The following EHMT1 variants were observed in gnomAD, a reference collection of about 807,000 sequenced individuals.
EHMT1 encodes histone-lysine N-methyltransferase EHMT1.
In EHMT1, 15 loss-of-function variants were observed where a neutral mutation model predicts 147.2. The ratio of observed to expected loss-of-function variants is 0.10; its 90% confidence interval spans 0.07 to 0.16. The LOEUF is 0.16. Among genes scored for constraint, EHMT1 ranks in the 10% least tolerant of loss-of-function variants. EHMT1 has a pLI of 1.00. For synonymous variants in EHMT1, 795 were observed against 709.6 expected, an observed-to-expected ratio of 1.12 and a Z score of -1.91; for missense variants, 1,587 against 1,772.4, an observed-to-expected ratio of 0.90 and a Z score of 1.88.
Position 137,716,902 on chromosome 9 carries a change from G to A in EHMT1, c.362G>A (p.Gly121Asp). 6.2e-7 allele frequency: 1 copy of A among 1,613,160 alleles called. No individual in the cohort carries two copies. Among genetic ancestry groups the A allele is most frequent in the Non-Finnish European group, 8.5e-7 (1 of 1,179,910 alleles). ...GACTTTGTGCAGACTTCTGTCATCG[G>A]CAGCAACGGATACATCTTAAATAAG... ...ADDFVQTSVI[G>D]SNGYILNKPA... The change falls in exon 3 of 27, where the codon GGC becomes GAC. Residue 121 changes from glycine to aspartate, a missense_variant. Gly to Asp is a moderately conservative substitution (Grantham distance 94). Transcript: ENST00000460843.
intron 25 of EHMT1, among the ~76,000 whole-genome samples, chr9:137,824,609 A>T (rs1482360752): frequency 6.6e-6 from 1 of 151,748 alleles, no homozygotes; most frequent in East Asian, 1.9e-4. Flanking sequence ...GAGCCTTCTG[A>T]CCCTGTGTCT....
At chr9:137,636,033 T>G (rs1274722592) in intron 1 of EHMT1, among the ~76,000 whole-genome samples, 1 of 151,532 alleles carries the variant, frequency 6.6e-6, no homozygotes, top group Non-Finnish European at 1.5e-5. Flanking sequence ...GCAGTTCTCC[T>G]GCCTCAGCCT....
intron 1 of EHMT1, among the ~76,000 whole-genome samples, chr9:137,621,405 A>G (rs1464523384): frequency 1.3e-5 from 2 of 152,148 alleles, no homozygotes; most frequent in African/African-American, 4.8e-5. Flanking sequence ...TTTTCCTACC[A>G]AAAAGAACTG....
At chr9:137,701,028 G>A (rs918346997) in intron 1 of EHMT1, among the ~76,000 whole-genome samples, 6 of 152,158 alleles carry the variant, frequency 3.9e-5, no homozygotes, top group African/African-American at 1.4e-4. Flanking sequence ...CACATGGCTG[G>A]CAGGAGAGAG....
In EHMT1 at chr9:137,834,534, G is replaced by T. The variant is rs747067449; in HGVS notation, c.3716+10G>T. 1 of 1,608,796 alleles carries T rather than the reference G, an allele frequency of 6.2e-7. No individual in the cohort carries two copies. On this transcript the variant is annotated intron_variant, in intron 26 of 26. Transcript: ENST00000460843. Reference sequence around the variant, plus strand: ...CCGGCGAGCAGCTCGGGTACGCACCGCCCCGGCCCCTGGCCATCTCCGCTG... The same window carrying T: ...CCGGCGAGCAGCTCGGGTACGCACCTCCCCGGCCCCTGGCCATCTCCGCTG...
intron 1 of EHMT1, among the ~76,000 whole-genome samples, chr9:137,627,621 G>GTGATTTGCCCACCTCAGCCTCCCAAAAT (rs1234356402): frequency 6.6e-6 from 1 of 152,072 alleles, no homozygotes. Flanking sequence ...CGCCGCGCCC[G>GTGATTTGCCCACCTCAGCCTCCCAAAAT]GCCCTTTTGC....
intron 4 of EHMT1, among the ~76,000 whole-genome samples, chr9:137,740,078 A>T (rs1323943105): frequency 4.0e-5 from 6 of 151,458 alleles, no homozygotes; most frequent in South Asian, 4.2e-4. Context: ...CCTCCCATCC[A>T]CCTTGTCTGC....
At chr9:137,682,273 C>T (rs1942028210) in intron 1 of EHMT1, among the ~76,000 whole-genome samples, 1 of 152,046 alleles carries the variant, frequency 6.6e-6, no homozygotes, top group South Asian at 2.1e-4. Context: ...AAAGCAGCCA[C>T]TGGGTTTGGA....
At chr9:137,766,550 G>C (rs979983006) in intron 10 of EHMT1, among the ~76,000 whole-genome samples, 2 of 152,184 alleles carry the variant, frequency 1.3e-5, no homozygotes, top group Non-Finnish European at 2.9e-5. Flanking sequence ...GGGAGGCGAC[G>C]GTTGCAGTGA....
At chr9:137,744,905 G>A (rs59352070) in intron 6 of EHMT1, among the ~76,000 whole-genome samples, 7,659 of 152,302 alleles carry the variant, frequency 0.05, 619 homozygotes, top group African/African-American at 0.17. Context: ...GGAAACTGAG[G>A]AAGTTCTTAG....
intron 4 of EHMT1, among the ~76,000 whole-genome samples, chr9:137,737,511 A>G (rs759904017): frequency 6.6e-6 from 1 of 152,220 alleles, no homozygotes; most frequent in Non-Finnish European, 1.5e-5. Flanking sequence ...AGTTAGCCTA[A>G]GACAGGTCCA....
chr9:137,833,934 T>TC (rs1388425338), intron 25 of EHMT1: 1 of 249,578 alleles, frequency 4.0e-6, no homozygotes, highest in Non-Finnish European at 7.8e-6. Context: ...GCTCCATCCC[T>TC]CCCGACCCCC....
chr9:137,627,494 A>C (rs968063200), intron 1 of EHMT1, among the ~76,000 whole-genome samples: 9 of 149,272 alleles, frequency 6.0e-5, no homozygotes, highest in Admixed American at 5.9e-4. Context: ...CAAACCCCTG[A>C]TCTCAGGTGA....
Position 137,643,080 on chromosome 9 carries a change from A to G in EHMT1, c.21+24031A>G, listed in dbSNP as rs940700894. Among the ~76,000 whole-genome samples the G allele has an allele frequency of 2.0e-5, 3 of 151,650 alleles. No individual in the cohort carries two copies. The East Asian group carries it at 5.8e-4, about 30-fold the overall frequency. ...TTTTTTTTTGTAGAGATGGGGTCTC[A>G]CTGTGTTGCCCAGGCTGGTCTCCAA... is the stretch of plus-strand genomic sequence containing the variant. On this transcript the variant is annotated intron_variant, in intron 1 of 26. Coordinates refer to ENST00000460843, the MANE Select transcript of EHMT1 (RefSeq NM_024757.5).
chr9:137,752,944 G>T (rs2136199337), intron 7 of EHMT1, among the ~76,000 whole-genome samples: 1 of 152,312 alleles, frequency 6.6e-6, no homozygotes, highest in African/African-American at 2.4e-5. Context: ...CTGGAGGGAA[G>T]AGGGGTTCTG....
chr9:137,638,021 T>C (rs1417817520), intron 1 of EHMT1: 1 of 152,166 alleles, frequency 6.6e-6, no homozygotes, highest in Non-Finnish European at 1.5e-5. Context: ...CCTTTGACGC[T>C]AATAAATTTT....
chr9:137,822,440 C>G (rs551483297), intron 25 of EHMT1, among the ~76,000 whole-genome samples: 1 of 152,164 alleles, frequency 6.6e-6, no homozygotes, highest in African/African-American at 2.4e-5. Flanking sequence ...TAAAAGAAAC[C>G]GCTAGTTTTC....
At chr9:137,726,087 CGTGTGTGTGT>C (rs34091165) in intron 3 of EHMT1, among the ~76,000 whole-genome samples, 17 of 150,742 alleles carry the variant, frequency 1.1e-4, no homozygotes, top group African/African-American at 4.1e-4. Context: ...GGTGCCTTGT[CGTGTGTGTGT>C]GTGTGTGTGT....
At position 137,835,260 on chromosome 9, in the gene EHMT1, C is replaced by T. The variant is rs866171890; in HGVS notation, c.*307C>T. 10 of 294,962 alleles carry T rather than the reference C, an allele frequency of 3.4e-5. No individual in the cohort carries two copies. The highest frequency in any genetic ancestry group is 1.9e-3 in the Middle Eastern group (2 of 1,074). 18.3% of individuals were successfully genotyped at this position (294,962 alleles called of 1,614,324 possible). A position where few individuals can be genotyped will look rare whatever the true frequency, so the allele number is the denominator to read the frequency against. On this transcript the variant is annotated 3_prime_UTR_variant, in exon 27 of 27. Transcript: ENST00000460843. Reference sequence around the variant, plus strand: ...TTCTGAGTTTCTGATGCTGATTTGTCGTTGCGAAGTTTCTCGTTTCTTCCT... The same window carrying T: ...TTCTGAGTTTCTGATGCTGATTTGTTGTTGCGAAGTTTCTCGTTTCTTCCT...
Sources: gnomAD v4.1 joint callset for allele counts (sites outside exome capture counted in the v4.1 genomes callset) on GRCh38, gnomAD v4.1.1 for gene constraint, MANE v1.5 for transcripts, NCBI Gene and HGNC (gene_info 2026-07-23, HGNC 2026-07-21) for gene names.